Variants in ZDHHC23 observed in about 807,000 individuals in gnomAD.
The protein encoded by ZDHHC23 is zDHHC palmitoyltransferase 23, also known as palmitoyltransferase ZDHHC23.
A neutral mutation model predicts 40.2 loss-of-function variants in ZDHHC23; 41 were observed. That is an observed-to-expected ratio of 1.02 (90% CI 0.79 to 1.32). The LOEUF is 1.32. ZDHHC23 is among the 40% of genes most tolerant of loss of function. The pLI is 0.00. For synonymous variants in ZDHHC23, 204 were observed against 210.2 expected (o/e 0.97, Z 0.26); for missense variants, 471 against 541.5 (o/e 0.87, Z 1.29).
chr3:113,978,653 G>T, the ZDHHC23 span: 1 of 623,008 alleles, frequency 1.6e-6, no homozygotes, highest in Non-Finnish European at 2.7e-6. Context: ...TACACACTCC[G>T]TGAAACAAAC....
chr3:113,951,560 C>T (rs1230059166), intron 2 of ZDHHC23, among the ~76,000 whole-genome samples: 2 of 152,140 alleles, frequency 1.3e-5, no homozygotes, highest in Non-Finnish European at 2.9e-5. Flanking sequence ...AGCAGTACAC[C>T]CTGAAGCCCC....
At chr3:113,954,438 A>G in intron 3 of ZDHHC23, 28 bp downstream of exon 3, 3 of 1,517,426 alleles carry the variant, frequency 2.0e-6, no homozygotes, top group East Asian at 4.9e-5. Flanking sequence ...GGAGACTTGG[A>G]AAGTGTAAAT....
At position 113,962,315 on chromosome 3, in the gene ZDHHC23, A is replaced by G. The variant is rs1392356012; in HGVS notation, c.*3685A>G. On this transcript the variant is annotated 3_prime_UTR_variant, in exon 5 of 5. Transcript: ENST00000638807. ...TTATGTTGCTGATAGACAAGCATCC[A>G]CGCTTCAGCTGGCACTAAGTGTTTT... 1.3e-5 allele frequency: 2 copies of G among 152,212 alleles called. No individual in the cohort carries two copies. Among genetic ancestry groups the G allele is most frequent in the Non-Finnish European group, 2.9e-5 (2 of 68,048 alleles). 9.4% of individuals were successfully genotyped at this position (152,212 alleles called of 1,614,324 possible).
chr3:113,972,951 G>A, the ZDHHC23 span, among the ~76,000 whole-genome samples: 1 of 152,054 alleles, frequency 6.6e-6, no homozygotes, highest in South Asian at 2.1e-4. Flanking sequence ...TGTCTTTACA[G>A]GTGAAGTAGG....
At chr3:113,974,324 G>GTT in the ZDHHC23 span, among the ~76,000 whole-genome samples, 113 of 141,370 alleles carry the variant, frequency 8.0e-4, 1 homozygote, top group East Asian at 3.2e-3. Flanking sequence ...GCTGTTTTTT[G>GTT]TTTTTTTTTT....
Position 113,959,396 on chromosome 3 carries a change from A to G in ZDHHC23, c.*766A>G. The stretch of plus-strand genomic sequence containing the variant: ...TATAAAGATAATTATTGCTAGTGTA[A>G]TGTAGTGTGGCCATGAGTTTAGGTG... On this transcript the variant is annotated 3_prime_UTR_variant, in exon 5 of 5. Coordinates refer to ENST00000638807, the MANE Select transcript of ZDHHC23 (RefSeq NM_001320466.2). 2 of 1,188,372 alleles carry G rather than the reference A, an allele frequency of 1.7e-6. No homozygotes were observed. The highest frequency in any genetic ancestry group is 5.0e-5 in the Admixed American group (2 of 39,878). 73.6% of individuals were successfully genotyped at this position (1,188,372 alleles called of 1,614,324 possible).
At chr3:113,958,176 G>A (rs1045460255) in intron 4 of ZDHHC23, among the ~76,000 whole-genome samples, 187 bp from the exon 5 acceptor site, 1 of 151,924 alleles carries the variant, frequency 6.6e-6, no homozygotes. Flanking sequence ...AGTAATTATA[G>A]AATAAACACA....
chr3:113,956,816 AAAC>A (rs1201696718), intron 4 of ZDHHC23, among the ~76,000 whole-genome samples: 2 of 152,240 alleles, frequency 1.3e-5, no homozygotes, highest in Non-Finnish European at 2.9e-5. Flanking sequence ...AGTGAAACAG[AAAC>A]AATAAACAAA....
chr3:113,968,453 T>TC (rs372382397), downstream of ZDHHC23, among the ~76,000 whole-genome samples: 181 of 151,180 alleles, frequency 1.2e-3, no homozygotes, highest in Middle Eastern at 6.8e-3. Context: ...ATTTAGATCT[T>TC]CCCCCCCCTT....
chr3:113,955,424 C>CAG (rs1439239117), intron 3 of ZDHHC23, among the ~76,000 whole-genome samples: 1 of 151,068 alleles, frequency 6.6e-6, no homozygotes, highest in Non-Finnish European at 1.5e-5. Flanking sequence ...TGCTGGTTTG[C>CAG]AGAAGGCTCA....
downstream of ZDHHC23, chr3:113,965,113 G>C (rs1299529804): frequency 1.7e-5 from 22 of 1,309,322 alleles, no homozygotes; most frequent in Middle Eastern, 1.9e-4. Context: ...CACACATACA[G>C]ACTAGTCGAG....
At chr3:113,973,596 GTT>G in the ZDHHC23 span, among the ~76,000 whole-genome samples, 7 of 145,596 alleles carry the variant, frequency 4.8e-5, no homozygotes, top group African/African-American at 1.8e-4. Context: ...TGGATGGCAG[GTT>G]TTTTTTTTTT....
chr3:113,954,493 C>A, intron 3 of ZDHHC23, 83 bp downstream of exon 3: 1 of 1,296,672 alleles, frequency 7.7e-7, no homozygotes, highest in Non-Finnish European at 1.0e-6. Context: ...TGTGCTATCC[C>A]AAAATTTCTC....
the ZDHHC23 span, among the ~76,000 whole-genome samples, chr3:113,977,192 C>T: frequency 1.3e-5 from 2 of 152,012 alleles, no homozygotes; most frequent in Non-Finnish European, 2.9e-5. Flanking sequence ...AGCTACTTGG[C>T]GGGCTGAGGC....
chr3:113,971,397 A>G, the ZDHHC23 span, among the ~76,000 whole-genome samples: 1 of 152,182 alleles, frequency 6.6e-6, no homozygotes, highest in African/African-American at 2.4e-5. Flanking sequence ...CAGATGTTGA[A>G]TTTTATTGAA....
At chr3:113,975,563 A>G in the ZDHHC23 span, among the ~76,000 whole-genome samples, 3 of 152,234 alleles carry the variant, frequency 2.0e-5, no homozygotes, top group African/African-American at 7.2e-5. Context: ...GTAATGAGCA[A>G]GATGTGGTGC....
At chr3:113,973,761 C>T in the ZDHHC23 span, among the ~76,000 whole-genome samples, 4 of 152,006 alleles carry the variant, frequency 2.6e-5, no homozygotes, top group South Asian at 2.1e-4. Flanking sequence ...TTGTCCTTGA[C>T]GTTTGAGAGT....
chr3:113,972,207 T>A, the ZDHHC23 span, among the ~76,000 whole-genome samples: 1 of 152,138 alleles, frequency 6.6e-6, no homozygotes, highest in Non-Finnish European at 1.5e-5. Context: ...GATGTGTTTA[T>A]TGCTATAAAC....
At chr3:113,972,128 T>G in the ZDHHC23 span, among the ~76,000 whole-genome samples, 2 of 152,112 alleles carry the variant, frequency 1.3e-5, no homozygotes, top group Non-Finnish European at 2.9e-5. Flanking sequence ...GGGTTTGGTT[T>G]GTTCTTGCTT....
Sources: allele counts gnomAD v4.1 joint callset (sites outside exome capture counted in the v4.1 genomes callset), GRCh38; gene constraint gnomAD v4.1.1; transcripts MANE v1.5; gene names NCBI Gene and HGNC (gene_info 2026-07-23, HGNC 2026-07-21).